The following RBFOX1 variants were observed in gnomAD, a reference collection of about 807,000 sequenced individuals.
The protein encoded by RBFOX1 is RNA binding fox-1 homolog 1, also known as RNA binding protein fox-1 homolog 1.
In RBFOX1, 8 loss-of-function variants were observed where a neutral mutation model predicts 57.7. The observed-to-expected ratio is 0.14, with a 90% CI of 0.08 to 0.25. The LOEUF is 0.25. RBFOX1 is among the 10% of genes least tolerant of loss of function. The probability of loss-of-function intolerance (pLI) is 1.00; values close to 1 mark genes in which losing one functional copy is unlikely to be tolerated. For synonymous variants in RBFOX1, 326 were observed against 222.4 expected (o/e 1.47, Z -4.15); for missense variants, 611 against 548.5 (o/e 1.11, Z -1.14).
intron 2 of RBFOX1, among the ~76,000 whole-genome samples, chr16:6,377,754 C>T (rs1258888502): frequency 6.6e-6 from 1 of 152,180 alleles, no homozygotes. Context: ...AAATGTTTGG[C>T]ACTAAAATTT....
At chr16:7,079,912 G>A (rs2058890211) in intron 4 of RBFOX1, among the ~76,000 whole-genome samples, 1 of 151,788 alleles carries the variant, frequency 6.6e-6, no homozygotes, top group African/African-American at 2.4e-5. Flanking sequence ...TCTGTGGGTG[G>A]ATGGTGGTGA....
At chr16:7,646,357 A>T (rs1394966813) in intron 11 of RBFOX1, among the ~76,000 whole-genome samples, 1 of 152,230 alleles carries the variant, frequency 6.6e-6, no homozygotes, top group African/African-American at 2.4e-5. Flanking sequence ...CCCAAGGGGA[A>T]TCCTGCAAAA....
At chr16:5,785,924 A>G (rs114080714) in intron 3 of RBFOX1, among the ~76,000 whole-genome samples, 1,917 of 152,184 alleles carry the variant, frequency 0.013, 38 homozygotes, top group African/African-American at 0.043. Context: ...TTGCTTGTGG[A>G]TTACTGAAAC....
At chr16:7,377,008 A>T (rs187160057) in intron 4 of RBFOX1, among the ~76,000 whole-genome samples, 1 of 152,164 alleles carries the variant, frequency 6.6e-6, no homozygotes, top group Non-Finnish European at 1.5e-5. Context: ...AAAAGCAGTG[A>T]TTTCCATAGG....
At chr16:6,294,457 C>G (rs2077840792) in intron 1 of RBFOX1, among the ~76,000 whole-genome samples, 1 of 152,160 alleles carries the variant, frequency 6.6e-6, no homozygotes, top group African/African-American at 2.4e-5. Context: ...ATAGATGGGC[C>G]ACTTAGATAA....
intron 1 of RBFOX1, among the ~76,000 whole-genome samples, chr16:5,450,350 G>C (rs1009828050): frequency 6.6e-6 from 1 of 152,196 alleles, no homozygotes. Flanking sequence ...GAAGAAGAGT[G>C]ATCGATTGGC....
chr16:6,992,818 G>T (rs2091707240), intron 3 of RBFOX1, among the ~76,000 whole-genome samples: 1 of 137,492 alleles, frequency 7.3e-6, no homozygotes, highest in Non-Finnish European at 1.5e-5. Flanking sequence ...GGCCCAGAAA[G>T]GCTGATTCCT....
chr16:5,374,112 G>GT (rs768841828), intron 1 of RBFOX1, among the ~76,000 whole-genome samples: 2 of 152,172 alleles, frequency 1.3e-5, no homozygotes, highest in East Asian at 3.9e-4. Flanking sequence ...TAATTTTTGT[G>GT]TTTTTAGTAG....
chr16:6,533,195 T>G (rs147638449), intron 2 of RBFOX1, among the ~76,000 whole-genome samples: 93 of 152,332 alleles, frequency 6.1e-4, no homozygotes, highest in African/African-American at 2.2e-3. Flanking sequence ...GATACTGAGT[T>G]GTGGACAGAT....
chr16:6,882,060 T>A (rs562846421), intron 3 of RBFOX1, among the ~76,000 whole-genome samples: 1 of 152,300 alleles, frequency 6.6e-6, no homozygotes, highest in South Asian at 2.1e-4. Flanking sequence ...ATGTCAGTCT[T>A]CCTGCTTAAT....
chr16:6,646,607 C>A (rs899980378), intron 2 of RBFOX1, among the ~76,000 whole-genome samples: 1 of 151,974 alleles, frequency 6.6e-6, no homozygotes, highest in Admixed American at 6.6e-5. Context: ...GCAAACTTAA[C>A]ATATTTTCAC....
At chr16:6,446,210 C>T (rs2094482541) in intron 2 of RBFOX1, among the ~76,000 whole-genome samples, 1 of 152,040 alleles carries the variant, frequency 6.6e-6, no homozygotes, top group Non-Finnish European at 1.5e-5. Context: ...TGTCATGTTG[C>T]CCAGGCTGGT....
intron 1 of RBFOX1, among the ~76,000 whole-genome samples, chr16:6,219,487 A>G (rs1048510724): frequency 6.6e-6 from 1 of 152,124 alleles, no homozygotes; most frequent in Non-Finnish European, 1.5e-5. Context: ...TCTGAGCTTC[A>G]TTTTCTATTG....
chr16:6,326,932 G>C (rs1341050604), intron 2 of RBFOX1, among the ~76,000 whole-genome samples: 2 of 152,152 alleles, frequency 1.3e-5, no homozygotes, highest in Non-Finnish European at 2.9e-5. Flanking sequence ...TCTCTCACCT[G>C]GAGGCTGTGC....
At chr16:5,291,920 T>G (rs1474942977) in intron 1 of RBFOX1, among the ~76,000 whole-genome samples, 3 of 151,842 alleles carry the variant, frequency 2.0e-5, no homozygotes, top group African/African-American at 7.3e-5. Context: ...GAAGGTTACT[T>G]GGGGTCCCTT....
intron 1 of RBFOX1, among the ~76,000 whole-genome samples, chr16:6,246,459 A>T (rs1250508805): frequency 6.6e-6 from 1 of 152,162 alleles, no homozygotes; most frequent in Non-Finnish European, 1.5e-5. Context: ...CAGCATAAAA[A>T]TTCCTGGGAA....
chr16:6,826,552 G>T (rs574824846), intron 3 of RBFOX1, among the ~76,000 whole-genome samples: 3 of 152,084 alleles, frequency 2.0e-5, no homozygotes, highest in African/African-American at 7.2e-5. Context: ...GGGCATACGT[G>T]CTTGCGGGCA....
intron 3 of RBFOX1, among the ~76,000 whole-genome samples, chr16:6,706,570 G>A (rs1469369075): frequency 1.3e-5 from 2 of 152,190 alleles, no homozygotes; most frequent in Non-Finnish European, 2.9e-5. Flanking sequence ...CCTGTTTCTG[G>A]ATGCTGGGAT....
intron 3 of RBFOX1, among the ~76,000 whole-genome samples, chr16:5,771,380 C>T (rs573631162): frequency 6.6e-6 from 1 of 152,276 alleles, no homozygotes; most frequent in African/African-American, 2.4e-5. Flanking sequence ...CTGGGTATCT[C>T]AAGATAAGTA....
Sources: gnomAD v4.1 joint callset for allele counts (sites outside exome capture counted in the v4.1 genomes callset) on GRCh38, gnomAD v4.1.1 for gene constraint, MANE v1.5 for transcripts, NCBI Gene and HGNC (gene_info 2026-07-23, HGNC 2026-07-21) for gene names.